RALYL: variants seen among roughly 807,000 people sequenced by gnomAD.
RALYL encodes RNA-binding Raly-like protein.
Under a neutral mutation model 35.1 loss-of-function variants are expected in RALYL, and 29 were observed. That is an observed-to-expected ratio of 0.83 (90% confidence interval 0.61 to 1.13). RALYL has a LOEUF of 1.13. RALYL is among the 50% of genes most tolerant of loss of function. The pLI is 0.00. For synonymous variants in RALYL, 120 were observed against 127.6 expected, an observed-to-expected ratio of 0.94 and a Z score of 0.40; for missense variants, 359 against 360.4, an observed-to-expected ratio of 1.00 and a Z score of 0.03.
chr8:84,699,745 CAT>C (rs1839863867), intron 2 of RALYL, among the ~76,000 whole-genome samples: 1 of 152,072 alleles, frequency 6.6e-6, no homozygotes, highest in Admixed American at 6.6e-5. Context: ...TAATCACTTC[CAT>C]ATGTCTGTGA....
At chr8:84,599,025 T>C (rs1271419918) in intron 2 of RALYL, among the ~76,000 whole-genome samples, 2 of 152,162 alleles carry the variant, frequency 1.3e-5, no homozygotes, top group Non-Finnish European at 2.9e-5. Flanking sequence ...TGATGATTAG[T>C]GATGCGGAAC....
intron 1 of RALYL, among the ~76,000 whole-genome samples, chr8:84,446,837 C>G (rs908657053): frequency 1.2e-4 from 19 of 152,058 alleles, no homozygotes; most frequent in Admixed American, 1.3e-4. Context: ...GCTTGATTCT[C>G]AGTTCTGTTA....
intron 4 of RALYL, among the ~76,000 whole-genome samples, chr8:84,847,096 T>G (rs1173451584): frequency 2.0e-5 from 3 of 152,230 alleles, no homozygotes; most frequent in Non-Finnish European, 4.4e-5. Flanking sequence ...GTGGAAAGTC[T>G]TGGGAGATGG....
intron 4 of RALYL, among the ~76,000 whole-genome samples, chr8:84,826,053 C>CA (rs994551460): frequency 2.0e-4 from 30 of 150,972 alleles, no homozygotes; most frequent in African/African-American, 5.3e-4. Context: ...AATGCAGGAA[C>CA]AAAAAAAATA....
chr8:84,276,944 A>T (rs1315859476), intron 1 of RALYL, among the ~76,000 whole-genome samples: 1 of 152,218 alleles, frequency 6.6e-6, no homozygotes, highest in Non-Finnish European at 1.5e-5. Context: ...ATAATCAAAA[A>T]ATAAACAGAT....
intron 2 of RALYL, among the ~76,000 whole-genome samples, chr8:84,553,261 G>A (rs1258469847): frequency 1.3e-5 from 2 of 152,066 alleles, no homozygotes; most frequent in South Asian, 2.1e-4. Flanking sequence ...ACCTGGGCTC[G>A]AAGGATCTTC....
At chr8:84,227,106 A>C (rs1324933939) in intron 1 of RALYL, among the ~76,000 whole-genome samples, 1 of 120,676 alleles carries the variant, frequency 8.3e-6, no homozygotes, top group African/African-American at 3.3e-5. Flanking sequence ...TGTGGCCTAG[A>C]CTGGAGTGCA....
intron 4 of RALYL, among the ~76,000 whole-genome samples, chr8:84,815,210 A>AT (rs1297155809): frequency 6.6e-6 from 1 of 152,194 alleles, no homozygotes. Context: ...CCCAGAATAT[A>AT]TGCCATGGAA....
At chr8:84,839,044 A>G (rs1369959944) in intron 4 of RALYL, among the ~76,000 whole-genome samples, 2 of 152,216 alleles carry the variant, frequency 1.3e-5, no homozygotes, top group African/African-American at 4.8e-5. Context: ...AGCATGAGCA[A>G]CGCAGAACAT....
At chr8:84,729,022 G>A (rs1056075840) in intron 2 of RALYL, among the ~76,000 whole-genome samples, 1 of 152,148 alleles carries the variant, frequency 6.6e-6, no homozygotes, top group South Asian at 2.1e-4. Context: ...AAAGTCATTG[G>A]TAGTTTGATG....
At chr8:84,668,185 G>A (rs951807972) in intron 2 of RALYL, among the ~76,000 whole-genome samples, 9 of 152,042 alleles carry the variant, frequency 5.9e-5, no homozygotes, top group Non-Finnish European at 1.5e-5. Context: ...AATGCTTACT[G>A]AATAGTCACT....
intron 2 of RALYL, among the ~76,000 whole-genome samples, chr8:84,611,937 A>G (rs772770302): frequency 6.6e-6 from 1 of 151,978 alleles, no homozygotes; most frequent in African/African-American, 2.4e-5. Context: ...GTGGATGTGA[A>G]CATTTTTTTC....
chr8:84,488,249 C>T (rs530256339), intron 1 of RALYL, among the ~76,000 whole-genome samples: 8 of 152,140 alleles, frequency 5.3e-5, no homozygotes, highest in East Asian at 1.9e-4. Flanking sequence ...GATACAAATA[C>T]GGTTGAATAT....
intron 1 of RALYL, among the ~76,000 whole-genome samples, chr8:84,379,345 A>T (rs922970646): frequency 6.6e-6 from 1 of 151,904 alleles, no homozygotes; most frequent in Non-Finnish European, 1.5e-5. Context: ...GCAGTGGTTT[A>T]TGTTCCCTTG....
At chr8:84,516,010 G>A (rs112284570) in intron 1 of RALYL, among the ~76,000 whole-genome samples, 5 of 151,246 alleles carry the variant, frequency 3.3e-5, no homozygotes, top group East Asian at 3.9e-4. Context: ...TGTGGTGGTC[G>A]GGGGCAGGGT....
At chr8:84,670,451 C>A (rs2131810747) in intron 2 of RALYL, among the ~76,000 whole-genome samples, 1 of 152,282 alleles carries the variant, frequency 6.6e-6, no homozygotes, top group South Asian at 2.1e-4. Flanking sequence ...TAAAAAATTT[C>A]ACAATGCCTT....
chr8:84,277,368 T>G lies in RALYL; in HGVS notation c.-24+92944T>G, dbSNP rs151055825. On this transcript the variant is annotated intron_variant, in intron 1 of 8. Transcript: ENST00000521268. ...AAACTGCCCCCATGATTGAATTATCTCCACCTGGTGCTTCACACATGGGGC... is the reference window on the plus strand; with the variant it reads ...AAACTGCCCCCATGATTGAATTATCGCCACCTGGTGCTTCACACATGGGGC... 5.8e-3 allele frequency among the ~76,000 whole-genome samples: 884 copies of G among 152,234 alleles called. 2 individuals carry two copies. The highest frequency in any genetic ancestry group is 0.024 in the Middle Eastern group (7 of 294).
intron 1 of RALYL, among the ~76,000 whole-genome samples, chr8:84,241,669 T>C (rs541541482): frequency 6.6e-6 from 1 of 151,510 alleles, no homozygotes; most frequent in East Asian, 1.9e-4. Context: ...TCCCAGCTAC[T>C]CAGGAGGCTG....
rs113036864 is a variant in RALYL, at chr8:84,675,544, T to G, written c.257-99035T>G. On this transcript the variant is annotated intron_variant, in intron 2 of 8. Coordinates refer to ENST00000521268, the MANE Select transcript of RALYL (RefSeq NM_173848.7). ...CAAAACTGAATTATAAAATGAAATT[T>G]TAGGAGTTGATTTTTGACTTAGGTA... Among the ~76,000 whole-genome samples the G allele has an allele frequency of 6.4e-3, 972 of 152,274 alleles. 8 individuals are homozygous for G. Among genetic ancestry groups the G allele is most frequent in the African/African-American group, 0.022 (908 of 41,580 alleles).
Sources: gnomAD v4.1 joint callset for allele counts (sites outside exome capture counted in the v4.1 genomes callset) on GRCh38, gnomAD v4.1.1 for gene constraint, MANE v1.5 for transcripts, NCBI Gene and HGNC (gene_info 2026-07-23, HGNC 2026-07-21) for gene names.